Variants in PDGFC observed in about 807,000 individuals in gnomAD.
PDGFC encodes platelet derived growth factor C.
A neutral mutation model predicts 35.5 loss-of-function variants in PDGFC; 12 were observed. The ratio of observed to expected loss-of-function variants is 0.34; its 90% confidence interval spans 0.22 to 0.55. The LOEUF is 0.55. Ranked by LOEUF, PDGFC falls within the 20% of genes least tolerant of loss-of-function variation. The pLI, the probability that PDGFC is intolerant of heterozygous loss-of-function variation, is 0.91. For synonymous variants in PDGFC, 159 were observed against 148.8 expected, an observed-to-expected ratio of 1.07 and a Z score of -0.50; for missense variants, 322 against 412.4, an observed-to-expected ratio of 0.78 and a Z score of 1.90.
intron 1 of PDGFC, among the ~76,000 whole-genome samples, chr4:156,969,415 G>A (rs1265987640): frequency 1.3e-5 from 2 of 152,222 alleles, no homozygotes; most frequent in East Asian, 3.9e-4. Context: ...ACATTAGCAA[G>A]TTGTAAGAAG....
chr4:156,831,600 C>T (rs1300767316), intron 2 of PDGFC, among the ~76,000 whole-genome samples: 2 of 151,642 alleles, frequency 1.3e-5, no homozygotes, highest in Admixed American at 6.6e-5. Context: ...TGTGCCACCA[C>T]GCCCAGCTAA....
At chr4:156,855,345 T>C (rs1300578858) in intron 1 of PDGFC, among the ~76,000 whole-genome samples, 1 of 152,178 alleles carries the variant, frequency 6.6e-6, no homozygotes, top group African/African-American at 2.4e-5. Context: ...AATATGCAAC[T>C]CCTAAAAATC....
At chr4:156,854,768 A>C (rs1015259913) in intron 1 of PDGFC, among the ~76,000 whole-genome samples, 5 of 152,116 alleles carry the variant, frequency 3.3e-5, no homozygotes, top group African/African-American at 1.2e-4. Flanking sequence ...TATTTTATTG[A>C]ACATTTGCTT....
intron 3 of PDGFC, among the ~76,000 whole-genome samples, chr4:156,798,392 G>A (rs184702417): frequency 6.6e-6 from 1 of 152,290 alleles, no homozygotes; most frequent in Admixed American, 6.5e-5. Context: ...ATGAAATTAT[G>A]CCATTGCTCT....
chr4:156,966,101 T>C (rs1017071624), intron 1 of PDGFC, among the ~76,000 whole-genome samples: 4 of 152,330 alleles, frequency 2.6e-5, no homozygotes, highest in Non-Finnish European at 5.9e-5. Context: ...CACTGGTGCA[T>C]ACTAAATGAT....
rs750641386 is a variant in PDGFC at position 156,810,858 on chromosome 4, G to C, written c.474C>G (p.Ile158Met). ...TTACTGGCATGACAATGTTGTAGTG[G>C]ATGCAGAACCCTGGTTCAGAAGGAA... ...EYFPSEPGFC[I>M]HYNIVMPQFT... Residue 158 changes from isoleucine to methionine, a missense_variant, in exon 3 of 6, where the codon ATC becomes ATG. Around this residue, in one of 2 missense-constraint regions of PDGFC, gnomAD observed 202 missense variants for 295.9 expected, o/e 0.68. Transcript: ENST00000502773. 1.2e-6 allele frequency: 2 copies of C among 1,603,148 alleles called. No homozygotes were observed.
At chr4:156,966,947 T>C (rs1054163411) in intron 1 of PDGFC, among the ~76,000 whole-genome samples, 2 of 151,988 alleles carry the variant, frequency 1.3e-5, no homozygotes, top group African/African-American at 4.8e-5. Flanking sequence ...AAGACAAAAT[T>C]CATCATTACA....
At chr4:156,844,690 G>A (rs1282088527) in intron 2 of PDGFC, among the ~76,000 whole-genome samples, 7 of 151,840 alleles carry the variant, frequency 4.6e-5, no homozygotes, top group Non-Finnish European at 7.4e-5. Context: ...ATTAACATTA[G>A]GCGTAATATA....
At chr4:156,793,220 A>G (rs570556710) in intron 3 of PDGFC, among the ~76,000 whole-genome samples, 2 of 152,226 alleles carry the variant, frequency 1.3e-5, no homozygotes, top group South Asian at 2.1e-4. Context: ...TCTAAAGTCC[A>G]TTTTAGATGT....
intron 2 of PDGFC, among the ~76,000 whole-genome samples, chr4:156,840,631 G>A (rs561899021): frequency 6.6e-6 from 1 of 152,138 alleles, no homozygotes; most frequent in Non-Finnish European, 1.5e-5. Flanking sequence ...CCAGACCCCA[G>A]AATTGTAGGT....
chr4:156,884,714 T>C (rs563560775), intron 1 of PDGFC, among the ~76,000 whole-genome samples: 5 of 152,358 alleles, frequency 3.3e-5, no homozygotes, highest in African/African-American at 1.2e-4. Context: ...AAGAAGAATT[T>C]AAATATTTAA....
Position 156,883,876 on chromosome 4 carries a change from G to T in PDGFC, c.119-33460C>A, listed in dbSNP as rs1242918438. Among the ~76,000 whole-genome samples the T allele has an allele frequency of 5.9e-5, 9 of 151,962 alleles. No homozygotes were observed. In the South Asian group the frequency reaches 1.9e-3, roughly 32 times the overall value. ...GGGATTCTGTGCTACTTCTCAATTGGCATTGACTTATGTTAAGACTATCTC... is the reference window on the plus strand; with the variant it reads ...GGGATTCTGTGCTACTTCTCAATTGTCATTGACTTATGTTAAGACTATCTC... On this transcript the variant is annotated intron_variant, in intron 1 of 5. Transcript: ENST00000502773.
chr4:156,823,335 G>A (rs1331265371), intron 2 of PDGFC, among the ~76,000 whole-genome samples: 4 of 152,162 alleles, frequency 2.6e-5, no homozygotes, highest in Non-Finnish European at 1.5e-5. Context: ...GTAAAATGGG[G>A]AAAATATTTA....
chr4:156,950,418 G>A (rs1416739907), intron 1 of PDGFC, among the ~76,000 whole-genome samples: 5 of 151,746 alleles, frequency 3.3e-5, no homozygotes, highest in African/African-American at 7.2e-5. Context: ...CTTCATTGGC[G>A]CTAGAAGCTC....
intron 4 of PDGFC, among the ~76,000 whole-genome samples, chr4:156,771,459 A>G (rs1304288442): frequency 6.6e-6 from 1 of 152,178 alleles, no homozygotes; most frequent in East Asian, 1.9e-4. Flanking sequence ...CTCGTAAGTT[A>G]TTCATCAAGT....
intron 3 of PDGFC, among the ~76,000 whole-genome samples, chr4:156,774,101 T>C (rs1314556365): frequency 1.3e-5 from 2 of 152,196 alleles, no homozygotes; most frequent in African/African-American, 4.8e-5. Context: ...TATGATGAAT[T>C]TGGACAAATG....
chr4:156,777,155 T>G (rs1730850786), intron 3 of PDGFC, among the ~76,000 whole-genome samples: 1 of 152,098 alleles, frequency 6.6e-6, no homozygotes, highest in African/African-American at 2.4e-5. Flanking sequence ...ATATAAAATT[T>G]TGAGAGTACA....
At chr4:156,923,921 T>G (rs190690588) in intron 1 of PDGFC, among the ~76,000 whole-genome samples, 1 of 152,106 alleles carries the variant, frequency 6.6e-6, no homozygotes, top group Non-Finnish European at 1.5e-5. Context: ...GAGCCACCAG[T>G]GGGAAGACAG....
chr4:156,777,867 C>T (rs1215999825), intron 3 of PDGFC, among the ~76,000 whole-genome samples: 1 of 152,122 alleles, frequency 6.6e-6, no homozygotes, highest in African/African-American at 2.4e-5. Flanking sequence ...CTTCCCGAAG[C>T]CAAGGCGGGT....
Sources: gnomAD v4.1 joint callset for allele counts (sites outside exome capture counted in the v4.1 genomes callset) on GRCh38, gnomAD v4.1.1 for gene constraint, gnomAD v4.1.1 regional missense constraint, MANE v1.5 for transcripts, NCBI Gene and HGNC (gene_info 2026-07-23, HGNC 2026-07-21) for gene names.